Variants in TAS2R1 observed in about 807,000 individuals in gnomAD.
TAS2R1 encodes taste 2 receptor member 1.
For missense variants in TAS2R1, 370 were observed against 353.4 expected (o/e 1.05, Z -0.38); for synonymous variants, 141 against 134.2 (o/e 1.05, Z -0.35).
chr5:9,774,993 T>C, the TAS2R1 span, among the ~76,000 whole-genome samples: 1 of 152,198 alleles, frequency 6.6e-6, no homozygotes, highest in Non-Finnish European at 1.5e-5. Flanking sequence ...AAAGCAAGCT[T>C]AGGCTTCTGT....
the TAS2R1 span, among the ~76,000 whole-genome samples, chr5:9,725,044 C>T: frequency 1.3e-5 from 2 of 152,220 alleles, no homozygotes; most frequent in African/African-American, 4.8e-5. Context: ...ACCTGAGTCA[C>T]CGAGCTGCCT....
chr5:9,703,271 A>C (rs1741529870), intron 1 of TAS2R1, among the ~76,000 whole-genome samples: 1 of 152,220 alleles, frequency 6.6e-6, no homozygotes, highest in African/African-American at 2.4e-5. Flanking sequence ...TTCAGGTATG[A>C]TACTGTTAGG....
chr5:9,739,143 T>C, the TAS2R1 span, among the ~76,000 whole-genome samples: 1 of 152,214 alleles, frequency 6.6e-6, no homozygotes, highest in Non-Finnish European at 1.5e-5. Flanking sequence ...TTCTTCTTTT[T>C]CCAAAAGACC....
the TAS2R1 span, among the ~76,000 whole-genome samples, chr5:9,859,973 A>G: frequency 6.6e-6 from 1 of 152,242 alleles, no homozygotes; most frequent in East Asian, 1.9e-4. Context: ...CAACAGTCCA[A>G]TCATTTATTG....
chr5:9,870,670 A>C, the TAS2R1 span, among the ~76,000 whole-genome samples: 1 of 152,220 alleles, frequency 6.6e-6, no homozygotes, highest in Non-Finnish European at 1.5e-5. Context: ...AGTATTATAA[A>C]TGTGATTGCA....
the TAS2R1 span, among the ~76,000 whole-genome samples, chr5:9,769,906 C>G: frequency 6.6e-6 from 1 of 152,112 alleles, no homozygotes. Flanking sequence ...TGTGCAGAAG[C>G]TTTTTAACTT....
upstream of TAS2R1, among the ~76,000 whole-genome samples, chr5:9,715,554 G>A (rs960057285): frequency 6.6e-6 from 1 of 152,220 alleles, no homozygotes; most frequent in Non-Finnish European, 1.5e-5. Context: ...GCCAGCTTTG[G>A]GGACCAGCCA....
the TAS2R1 span, among the ~76,000 whole-genome samples, chr5:9,814,725 T>C: frequency 5.3e-5 from 8 of 152,280 alleles, no homozygotes; most frequent in South Asian, 2.1e-4. Context: ...AAGGAGAAGA[T>C]GAAATATGGA....
At chr5:9,870,710 C>T in the TAS2R1 span, among the ~76,000 whole-genome samples, 1 of 152,072 alleles carries the variant, frequency 6.6e-6, no homozygotes, top group Non-Finnish European at 1.5e-5. Context: ...TACGAGCCCC[C>T]AAAAGGGTAA....
At chr5:9,664,326 T>G (rs1005476258) in intron 1 of TAS2R1, among the ~76,000 whole-genome samples, 2 of 152,190 alleles carry the variant, frequency 1.3e-5, no homozygotes, top group Admixed American at 1.3e-4. Context: ...AAATGTAAAT[T>G]TTTAATCGTG....
At chr5:9,887,766 A>T in the TAS2R1 span, among the ~76,000 whole-genome samples, 1 of 152,232 alleles carries the variant, frequency 6.6e-6, no homozygotes, top group African/African-American at 2.4e-5. Context: ...GAACAAGTGC[A>T]ATCTGTTATA....
At chr5:9,692,839 C>A (rs1236194963) in intron 1 of TAS2R1, among the ~76,000 whole-genome samples, 2 of 152,044 alleles carry the variant, frequency 1.3e-5, no homozygotes, top group Non-Finnish European at 2.9e-5. Context: ...CTGGCCATAT[C>A]TTTTTTTTCC....
the TAS2R1 span, chr5:9,867,160 T>A: frequency 6.6e-6 from 1 of 152,342 alleles, no homozygotes; most frequent in Admixed American, 6.5e-5. Flanking sequence ...TGCTGTTAAC[T>A]GATAAGCACC....
intron 1 of TAS2R1, among the ~76,000 whole-genome samples, chr5:9,669,146 C>T (rs1561374128): frequency 6.6e-6 from 1 of 151,926 alleles, no homozygotes; most frequent in South Asian, 2.1e-4. Flanking sequence ...TTTAAATCAG[C>T]AATAATCAAA....
At chr5:9,765,074 A>G in the TAS2R1 span, among the ~76,000 whole-genome samples, 1 of 152,182 alleles carries the variant, frequency 6.6e-6, no homozygotes, top group Non-Finnish European at 1.5e-5. Flanking sequence ...ATACACACAC[A>G]CAAACACACA....
chr5:9,698,917 C>T (rs1300947907), intron 1 of TAS2R1, among the ~76,000 whole-genome samples: 1 of 152,172 alleles, frequency 6.6e-6, no homozygotes, highest in African/African-American at 2.4e-5. Flanking sequence ...TTTTATACAG[C>T]ATATAAAGCA....
At chr5:9,673,484 C>T (rs1221627122) in intron 1 of TAS2R1, among the ~76,000 whole-genome samples, 4 of 151,898 alleles carry the variant, frequency 2.6e-5, no homozygotes, top group African/African-American at 9.7e-5. Context: ...GTTATAAAAT[C>T]ATCACATATT....
At chr5:9,638,890 C>T (rs1740019033) in intron 2 of TAS2R1, among the ~76,000 whole-genome samples, 1 of 152,068 alleles carries the variant, frequency 6.6e-6, no homozygotes, top group South Asian at 2.1e-4. Flanking sequence ...ATATAGTTCA[C>T]CAGGGAAGTG....
At chr5:9,897,682 G>T in the TAS2R1 span, among the ~76,000 whole-genome samples, 1 of 152,056 alleles carries the variant, frequency 6.6e-6, no homozygotes, top group African/African-American at 2.4e-5. Flanking sequence ...TTCTTGGGAG[G>T]GTTCTTTCTT....
Sources: gnomAD v4.1 joint callset for allele counts (sites outside exome capture counted in the v4.1 genomes callset) on GRCh38, gnomAD v4.1.1 for gene constraint, MANE v1.5 for transcripts, NCBI Gene and HGNC (gene_info 2026-07-23, HGNC 2026-07-21) for gene names.